The following CBR4 variants were observed in gnomAD, a reference collection of about 807,000 sequenced individuals.
CBR4 encodes the protein carbonyl reductase 4.
CBR4 carries 22 observed loss-of-function variants against 21.0 expected under a neutral mutation model. The observed-to-expected ratio is 1.05, with a 90% CI of 0.75 to 1.50. The LOEUF (loss-of-function observed/expected upper bound fraction) is 1.50. Among genes scored for constraint, CBR4 ranks in the 40% most tolerant of loss-of-function variants. CBR4 has a pLI of 0.00. For missense variants in CBR4, 302 were observed against 286.3 expected (o/e 1.05, Z -0.40); for synonymous variants, 100 against 104.4 (o/e 0.96, Z 0.26).
At chr4:168,923,928 CACT>C (rs3842585) in intron 2 of CBR4, among the ~76,000 whole-genome samples, 101,947 of 149,378 alleles carry the variant, frequency 0.68, 35,969 homozygotes, top group East Asian at 0.96. Flanking sequence ...GTAACATAAT[CACT>C]AGTAGTGAAG....
chr4:168,913,342 T>C lies in CBR4; in HGVS notation n.170-18577A>G, dbSNP rs527360640. Among the ~76,000 whole-genome samples the C allele has an allele frequency of 1.3e-3, 199 of 152,212 alleles. 1 individual carries two copies. The highest frequency in any genetic ancestry group is 4.6e-3 in the African/African-American group (190 of 41,538). On this transcript the variant is annotated intron_variant and non_coding_transcript_variant, in intron 2 of 3. Coordinates refer to the CBR4 transcript ENST00000509108. Reference sequence around the variant, plus strand: ...TTAGTAGAGACGGGGTTTCACCATATTGGCCAGGCTGGGCTCGAACTCCTG... The same window carrying C: ...TTAGTAGAGACGGGGTTTCACCATACTGGCCAGGCTGGGCTCGAACTCCTG...
intron 2 of CBR4, among the ~76,000 whole-genome samples, chr4:168,943,540 C>T (rs573060183): frequency 3.9e-5 from 6 of 152,158 alleles, no homozygotes; most frequent in Non-Finnish European, 8.8e-5. Context: ...ACATCATAAC[C>T]ATCAAAATAT....
chr4:168,923,991 C>A (rs1208022941), intron 2 of CBR4, among the ~76,000 whole-genome samples: 2 of 152,188 alleles, frequency 1.3e-5, no homozygotes, highest in African/African-American at 4.8e-5. Flanking sequence ...GCTGGTCAGA[C>A]AGGCATTCTG....
chr4:168,947,309 TAG>T (rs1763419870), intron 2 of CBR4, among the ~76,000 whole-genome samples: 1 of 152,174 alleles, frequency 6.6e-6, no homozygotes, highest in South Asian at 2.1e-4. Context: ...ACTGGGCCAG[TAG>T]AGTGTTCTGC....
At position 168,914,204 on chromosome 4, in the gene CBR4, G is replaced by A. The variant is rs1438777220; in HGVS notation, n.170-19439C>T. On this transcript the variant is annotated intron_variant and non_coding_transcript_variant, in intron 2 of 3. Transcript: ENST00000509108. ...CCCTTGTGATGCAGAAAGGGAATGG[G>A]AACAAACATTCGCTAATGTGTGCTA... is the stretch of plus-strand genomic sequence containing the variant. 4.9e-6 allele frequency: 3 copies of A among 609,318 alleles called. No individual in the cohort carries two copies. In the South Asian group the frequency reaches 5.8e-5, roughly 12 times the overall value. The allele number at this position is 609,318 out of a possible 1,614,324, so 37.7% of individuals were successfully genotyped here.
At position 168,988,026 on chromosome 4, in the gene CBR4, C is replaced by G; in HGVS notation, c.*2124G>C. Reference sequence around the variant, plus strand: ...CAGCAAACAGCTACAGATGAGTCTTCTTGTTAAGAATTCATTCAATGCTTC... The same window carrying G: ...CAGCAAACAGCTACAGATGAGTCTTGTTGTTAAGAATTCATTCAATGCTTC... On this transcript the variant is annotated 3_prime_UTR_variant, in exon 5 of 5. Transcript: ENST00000306193. 3.0e-6 allele frequency: 3 copies of G among 985,338 alleles called. No homozygotes were observed. Among genetic ancestry groups the G allele is most frequent in the Non-Finnish European group, 3.6e-6 (3 of 829,864 alleles). 61.0% of individuals were successfully genotyped at this position (985,338 alleles called of 1,614,324 possible). A position where few individuals can be genotyped will look rare whatever the true frequency, so the allele number is the denominator to read the frequency against.
chr4:169,006,848 G>A lies in CBR4; in HGVS notation c.307C>T (p.Gln103Ter), dbSNP rs1730946491. 1.9e-6 allele frequency: 3 copies of A among 1,612,904 alleles called. No individual in the cohort carries two copies. Among genetic ancestry groups the A allele is most frequent in the Middle Eastern group, 3.3e-4 (2 of 6,056 alleles). ...GAACCCAAGAGGTTAGTATGAAGCT[G>A]AGATACCATATCTTCAGTTTTTGTT... ...VRTKTEDMVS[Q>*]LHTNLLGSML... Residue 103 changes from glutamine to a stop codon, truncating the protein, a stop_gained, in exon 3 of 5, where the codon CAG becomes TAG. Transcript: ENST00000306193. LOFTEE classifies it high-confidence loss of function.
intron 2 of CBR4, chr4:168,926,960 CAA>C (rs1762650950): frequency 4.6e-6 from 1 of 219,440 alleles, no homozygotes; most frequent in African/African-American, 2.2e-5. Flanking sequence ...ATGTTAATAT[CAA>C]AAGAGTTTTC....
At chr4:168,996,704 A>C (rs1351771471) in intron 4 of CBR4, among the ~76,000 whole-genome samples, 1 of 152,162 alleles carries the variant, frequency 6.6e-6, no homozygotes, top group Non-Finnish European at 1.5e-5. Flanking sequence ...ATCTGTCTGT[A>C]GCTTTTTAAA....
At chr4:168,928,378 T>C (rs1377882749) in intron 2 of CBR4, 1 of 182,618 alleles carries the variant, frequency 5.5e-6, no homozygotes, top group East Asian at 9.0e-5. Context: ...GTTGTGCTGG[T>C]GTAATGTGGA....
intron 2 of CBR4, among the ~76,000 whole-genome samples, chr4:168,920,401 T>C (rs1452145790): frequency 1.3e-5 from 2 of 152,224 alleles, no homozygotes; most frequent in Non-Finnish European, 2.9e-5. Flanking sequence ...GGAATGGAAT[T>C]TGTGAGTCCT....
At chr4:168,932,242 T>TAA (rs558711167) in intron 2 of CBR4, among the ~76,000 whole-genome samples, 38 of 131,416 alleles carry the variant, frequency 2.9e-4, no homozygotes, top group African/African-American at 9.5e-4. Context: ...ACAAAGAACA[T>TAA]AAAAAAAAAA....
chr4:168,966,552 A>G (rs1764041940), intron 2 of CBR4, among the ~76,000 whole-genome samples: 1 of 151,940 alleles, frequency 6.6e-6, no homozygotes, highest in Non-Finnish European at 1.5e-5. Context: ...GAAAAAAGCC[A>G]GGAAACAGAT....
At chr4:168,901,217 A>G (rs1302820475) in intron 2 of CBR4, among the ~76,000 whole-genome samples, 1 of 152,218 alleles carries the variant, frequency 6.6e-6, no homozygotes. Context: ...TAGGATTGTT[A>G]AAGTATGGAA....
intron 2 of CBR4, among the ~76,000 whole-genome samples, chr4:168,907,708 C>G (rs1218634761): frequency 6.6e-6 from 1 of 152,156 alleles, no homozygotes; most frequent in African/African-American, 2.4e-5. Context: ...CTCTCTGGTT[C>G]TTTGCTCTAC....
chr4:168,935,600 C>G (rs914679111), intron 2 of CBR4, among the ~76,000 whole-genome samples: 1 of 152,110 alleles, frequency 6.6e-6, no homozygotes, highest in Non-Finnish European at 1.5e-5. Context: ...ATTACTGAGG[C>G]TTGAGTAGGC....
intron 2 of CBR4, among the ~76,000 whole-genome samples, chr4:168,934,712 G>A (rs879719474): frequency 1.3e-5 from 2 of 151,872 alleles, no homozygotes; most frequent in Non-Finnish European, 2.9e-5. Flanking sequence ...AAAAAACCAG[G>A]ACTGGATGGC....
chr4:168,987,598 C>T lies in CBR4; in HGVS notation c.*2552G>A, dbSNP rs1364891376. 1 of 891,784 alleles carries T rather than the reference C, an allele frequency of 1.1e-6. No homozygotes were observed. The highest frequency in any genetic ancestry group is 1.3e-6 in the Non-Finnish European group (1 of 744,826). The allele number at this position is 891,784 out of a possible 1,614,324, so 55.2% of individuals were successfully genotyped here. ...AAATTAACATCAGAAAGTTTAAAATCATTAAATACTTTATTTAAGAACAGT... is the reference window on the plus strand; with the variant it reads ...AAATTAACATCAGAAAGTTTAAAATTATTAAATACTTTATTTAAGAACAGT... On this transcript the variant is annotated 3_prime_UTR_variant, in exon 5 of 5. Transcript: ENST00000306193.
chr4:169,008,964 G>C (rs1397736772), intron 1 of CBR4: 8 of 454,250 alleles, frequency 1.8e-5, no homozygotes, highest in Non-Finnish European at 3.1e-5. Flanking sequence ...GGCGTCTATA[G>C]TCCCAGGTCC....
Sources: gnomAD v4.1 joint callset for allele counts (sites outside exome capture counted in the v4.1 genomes callset) on GRCh38, gnomAD v4.1.1 for gene constraint, MANE v1.5 for transcripts, NCBI Gene and HGNC (gene_info 2026-07-23, HGNC 2026-07-21) for gene names.